RP1: variants seen among roughly 807,000 people sequenced by gnomAD.
RP1 encodes the protein oxygen-regulated protein 1.
Under a neutral mutation model 14.8 loss-of-function variants are expected in RP1, and 16 were observed. The observed-to-expected ratio is 1.08, with a 90% CI of 0.73 to 1.65. The LOEUF is 1.65. RP1 is among the 40% of genes most tolerant of loss of function. The pLI is 0.00. For synonymous variants in RP1, 876 were observed against 883.6 expected (o/e 0.99, Z 0.15); for missense variants, 2,631 against 2,535.0 (o/e 1.04, Z -0.81).
intron 24 of RP1, among the ~76,000 whole-genome samples, chr8:54,816,598 C>T (rs765037301): frequency 5.3e-5 from 8 of 152,176 alleles, no homozygotes; most frequent in Non-Finnish European, 1.0e-4. Context: ...TCCAACATCG[C>T]CATCAGGGTC....
intron 1 of RP1, among the ~76,000 whole-genome samples, chr8:54,561,344 C>T (rs13250164): frequency 0.81 from 123,458 of 152,166 alleles, 50,830 homozygotes; most frequent in Non-Finnish European, 0.89. Context: ...ACTCAGATTC[C>T]GAGTAAACAA....
chr8:54,666,129 GAGA>G (rs765999709), intron 7 of RP1, among the ~76,000 whole-genome samples: 138 of 152,204 alleles, frequency 9.1e-4, no homozygotes, highest in Admixed American at 2.0e-3. Flanking sequence ...TCCTTCCAGG[GAGA>G]AGATGAAGAT....
intron 25 of RP1, among the ~76,000 whole-genome samples, chr8:54,843,027 T>A (rs1011736844): frequency 6.6e-6 from 1 of 152,126 alleles, no homozygotes; most frequent in African/African-American, 2.4e-5. Flanking sequence ...AACTGTGGCA[T>A]CCCTTTTCTC....
At chr8:54,833,453 T>G (rs1811585226) in intron 24 of RP1, among the ~76,000 whole-genome samples, 1 of 151,928 alleles carries the variant, frequency 6.6e-6, no homozygotes, top group African/African-American at 2.4e-5. Flanking sequence ...TCAAAATAAG[T>G]TACCCTTCTA....
chr8:54,624,107 A>G (rs1805955896), intron 3 of RP1, among the ~76,000 whole-genome samples: 2 of 152,190 alleles, frequency 1.3e-5, no homozygotes, highest in Admixed American at 1.3e-4. Flanking sequence ...GGTTTGAAGA[A>G]ATGTACCACT....
At chr8:54,862,211 T>A (rs1242351429) in intron 27 of RP1, among the ~76,000 whole-genome samples, 2 of 152,206 alleles carry the variant, frequency 1.3e-5, no homozygotes, top group Admixed American at 6.5e-5. Flanking sequence ...AAGGATATGA[T>A]CATATCTGGG....
At position 54,621,295 on chromosome 8, in the gene RP1, G is replaced by A. The variant is rs1484896560; in HGVS notation, c.329G>A (p.Arg110Lys). 3 of 1,613,776 alleles carry A rather than the reference G, an allele frequency of 1.9e-6. No individual in the cohort carries two copies. Among genetic ancestry groups the A allele is most frequent in the African/African-American group, 2.7e-5 (2 of 74,936 alleles). Residue 110 changes from arginine (R) to lysine (K), a missense_variant, in exon 2 of 4, where the codon AGG (arginine) becomes AAG (lysine). Physicochemically the swap from Arg to Lys is conservative, Grantham distance 26. Coordinates refer to ENST00000220676, the MANE Select transcript of RP1 (RefSeq NM_006269.2). Reference protein sequence around the residue: ...DGESYLCSHGRKVQPVDLDKA... With the variant: ...DGESYLCSHGKKVQPVDLDKA... ...GAGTCCTACCTATGTTCCCACGGCAGGAAGGTGCAGCCTGTAGACCTGGAC... is the reference window on the plus strand; with the variant it reads ...GAGTCCTACCTATGTTCCCACGGCAAGAAGGTGCAGCCTGTAGACCTGGAC...
At chr8:54,563,789 C>T (rs1804340956) in intron 1 of RP1, among the ~76,000 whole-genome samples, 1 of 152,080 alleles carries the variant, frequency 6.6e-6, no homozygotes, top group Admixed American at 6.6e-5. Flanking sequence ...GCTCAAGTGA[C>T]TCTCCTGCCT....
At chr8:54,696,635 G>A in intron 12 of RP1, 1 of 828,122 alleles carries the variant, frequency 1.2e-6, no homozygotes, top group Non-Finnish European at 1.9e-6. Context: ...TCATGCCTTA[G>A]AATTGCCAGA....
chr8:54,660,223 A>G (rs749743388), intron 6 of RP1, among the ~76,000 whole-genome samples: 5 of 152,284 alleles, frequency 3.3e-5, no homozygotes, highest in Non-Finnish European at 4.4e-5. Context: ...TATGTTGAAT[A>G]GAAATGATGA....
At chr8:54,606,473 A>T (rs1346905239) in intron 1 of RP1, among the ~76,000 whole-genome samples, 1 of 152,022 alleles carries the variant, frequency 6.6e-6, no homozygotes, top group African/African-American at 2.4e-5. Flanking sequence ...GCTGCCCTTA[A>T]CATTTATTCC....
intron 25 of RP1, among the ~76,000 whole-genome samples, chr8:54,849,892 C>T (rs986645193): frequency 7.2e-5 from 11 of 151,962 alleles, no homozygotes; most frequent in East Asian, 5.8e-4. Context: ...TTGAAGATAA[C>T]GACATTGCAA....
intron 1 of RP1, among the ~76,000 whole-genome samples, chr8:54,591,778 T>A (rs1169830515): frequency 6.6e-6 from 1 of 152,106 alleles, no homozygotes; most frequent in Non-Finnish European, 1.5e-5. Context: ...GGTGGGTGGC[T>A]CTTCTTCTGG....
At position 54,622,097 on chromosome 8, in the gene RP1, A is replaced by G; in HGVS notation, c.616-20A>G. 1 of 1,613,870 alleles carries G rather than the reference A, an allele frequency of 6.2e-7. No individual in the cohort carries two copies. The highest frequency in any genetic ancestry group is 8.5e-7 in the Non-Finnish European group (1 of 1,179,774). ...TATAAAATGTGCTCATCTCAGGATA[A>G]TGACTCTGGTCTCTTTTAGGTTCCC... On this transcript the variant is annotated intron_variant, in intron 2 of 3. Coordinates refer to ENST00000220676, the MANE Select transcript of RP1 (RefSeq NM_006269.2).
chr8:54,866,569 C>T (rs566132306), intron 28 of RP1, among the ~76,000 whole-genome samples: 1 of 152,234 alleles, frequency 6.6e-6, no homozygotes, highest in East Asian at 1.9e-4. Context: ...AAACAAAATG[C>T]ACTAAACATA....
intron 25 of RP1, among the ~76,000 whole-genome samples, chr8:54,847,093 C>T (rs1017998649): frequency 6.6e-6 from 1 of 152,080 alleles, no homozygotes; most frequent in South Asian, 2.1e-4. Flanking sequence ...TCAGCATCTG[C>T]TGGTGCATCT....
At chr8:54,608,800 C>T (rs1365021256) in intron 1 of RP1, among the ~76,000 whole-genome samples, 2 of 152,156 alleles carry the variant, frequency 1.3e-5, no homozygotes, top group African/African-American at 4.8e-5. Flanking sequence ...TCAAATAATA[C>T]ATTAAAAACC....
chr8:54,706,504 T>C, exon 15 of RP1: 1 of 1,535,872 alleles, frequency 6.5e-7, no homozygotes, highest in South Asian at 1.2e-5. Flanking sequence ...GCCCTGTGTC[T>C]CCAGCCTGAT....
At chr8:54,847,569 C>T (rs1305315745) in intron 25 of RP1, among the ~76,000 whole-genome samples, 1 of 152,234 alleles carries the variant, frequency 6.6e-6, no homozygotes, top group Non-Finnish European at 1.5e-5. Flanking sequence ...TCCACTGGCT[C>T]TCTGAGACGA....
Sources: gnomAD v4.1 joint callset for allele counts (sites outside exome capture counted in the v4.1 genomes callset) on GRCh38, gnomAD v4.1.1 for gene constraint, MANE v1.5 for transcripts, NCBI Gene and HGNC (gene_info 2026-07-23, HGNC 2026-07-21) for gene names.